The following PRR36 variants were observed in gnomAD, a reference collection of about 807,000 sequenced individuals.
The protein encoded by PRR36 is proline-rich protein 36.
Under a neutral mutation model 58.6 loss-of-function variants are expected in PRR36, and 30 were observed. The observed-to-expected ratio is 0.51, with a 90% CI of 0.38 to 0.69. PRR36 has a LOEUF of 0.69. PRR36 is among the 30% of genes least tolerant of loss of function. PRR36 has a pLI of 0.00. For missense variants in PRR36, 1,692 were observed against 1,805.6 expected (o/e 0.94, Z 1.14); for synonymous variants, 771 against 829.3 (o/e 0.93, Z 1.21).
chr19:7,871,213 T>A lies in PRR36; in HGVS notation c.2031A>T (p.Ser677=). ...GTATGGTCAGGGGTGAGCTTAGGGG[T>A]GAGACAGCAGGAGAGAGAGAAGTCT... is the stretch of plus-strand genomic sequence containing the variant. ...PLQTSLSPAV[S]PLSSPLTIHP... The change falls in exon 5 of 6, where the codon TCA becomes TCT. Residue 677 remains serine (S), a synonymous_variant. Coordinates refer to ENST00000618550, the MANE Select transcript of PRR36 (RefSeq NM_001190467.2). 1 of 1,504,244 alleles carries A rather than the reference T, an allele frequency of 6.6e-7. No homozygotes were observed. The highest frequency in any genetic ancestry group is 1.2e-5 in the South Asian group (1 of 83,076). 93.2% of individuals were successfully genotyped at this position (1,504,244 alleles called of 1,614,324 possible).
Position 7,871,078 on chromosome 19 carries a change from C to G in PRR36, c.2166G>C (p.Leu722=), listed in dbSNP as rs1446219845. The G allele has an allele frequency of 3.9e-6, 6 of 1,523,390 alleles. No homozygotes were observed. In the Admixed American group the frequency reaches 1.0e-4, roughly 26 times the overall value. 94.4% of individuals were successfully genotyped at this position (1,523,390 alleles called of 1,614,324 possible). Residue 722 remains leucine, a synonymous_variant, in exon 5 of 6, where the codon CTG becomes CTC. Coordinates refer to ENST00000618550, the MANE Select transcript of PRR36 (RefSeq NM_001190467.2). ...TGGTCAGGGAAGCAGGAGGTGTCTG[C>G]AGAGAGGGTGGGGCTAGGGAAGATT... ...ETQSSLAPPS[L]QTPPASLTTP... is the part of the protein sequence containing the mutation.
Position 7,869,164 on chromosome 19 carries a change from G to A in PRR36, c.3910C>T (p.Arg1304Cys), listed in dbSNP as rs1307958791. Reference protein sequence around the residue: ...RAALSDAELGRWAELLSPLDE... With the variant: ...RAALSDAELGCWAELLSPLDE... ...AGGGGAGACAGTAGTTCGGCCCAGC[G>A]GCCGAGTTCGGCGTCGCTGAGTGCA... The change falls in exon 6 of 6, where the codon CGC (arginine) becomes TGC (cysteine). Residue 1304 changes from arginine (R) to cysteine (C), a missense_variant. Arg to Cys is a radical substitution (Grantham distance 180). Around this residue, in one of 5 missense-constraint regions of PRR36, gnomAD observed 485 missense variants for 549.2 expected, o/e 0.88. Transcript: ENST00000618550. 5 of 1,535,362 alleles carry A rather than the reference G, an allele frequency of 3.3e-6. No homozygotes were observed. The highest frequency in any genetic ancestry group is 2.4e-5 in the East Asian group (1 of 40,868).
In PRR36 at chr19:7,871,307, G is replaced by C; in HGVS notation, c.1937C>G (p.Pro646Arg). ...GGGTGAATCAGGGGGAGTAGAGGCC[G>C]GCCGAGAAGGTGAGATCAAAGAAGC... The part of the protein sequence containing the change: ...TQASLISPSR[P>R]ASTPPDSPPL... The change falls in exon 5 of 6, where the codon CCG becomes CGG. Residue 646 changes from proline (P) to arginine (R), a missense_variant. Coordinates refer to ENST00000618550, the MANE Select transcript of PRR36 (RefSeq NM_001190467.2). 1.3e-6 allele frequency: 2 copies of C among 1,528,424 alleles called. No individual in the cohort carries two copies. The highest frequency in any genetic ancestry group is 1.8e-6 in the Non-Finnish European group (2 of 1,142,442). The allele number at this position is 1,528,424 out of a possible 1,614,324, so 94.7% of individuals were successfully genotyped here. A position where few individuals can be genotyped will look rare whatever the true frequency, so the allele number is the denominator to read the frequency against.
At position 7,870,830 on chromosome 19, in the gene PRR36, G is replaced by T; in HGVS notation, c.2414C>A (p.Thr805Lys). 6.9e-7 allele frequency: 1 copy of T among 1,445,726 alleles called. No homozygotes were observed. Among genetic ancestry groups the T allele is most frequent in the East Asian group, 2.5e-5 (1 of 39,934 alleles). The allele number at this position is 1,445,726 out of a possible 1,614,324, so 89.6% of individuals were successfully genotyped here. ...PSPLTTPPPE[T>K]PSSIATPPPQ... is the part of the protein sequence containing the mutation. ...AGGAGGCGTGGCTATGGAAGAGGGC[G>T]TCTCCGGAGGGGGCGTGGTCAATGG... The change falls in exon 5 of 6, where the codon ACG (threonine) becomes AAG (lysine). Residue 805 changes from threonine (T) to lysine (K), a missense_variant. Around this residue, in one of 5 missense-constraint regions of PRR36, gnomAD observed 171 missense variants for 146.2 expected, o/e 1.17. Coordinates refer to ENST00000618550, the MANE Select transcript of PRR36 (RefSeq NM_001190467.2).
chr19:7,871,532 A>G lies in PRR36; in HGVS notation c.1712T>C (p.Met571Thr). The part of the protein sequence containing the change: ...APPHPQAPPS[M>T]TTPPMQAPPS... The stretch of plus-strand genomic sequence containing the variant: ...CGGGGCCTGCATAGGGGGCGTAGTC[A>G]TAGAAGGTGGGGCCTGTGGGTGGGG... The change falls in exon 5 of 6, where the codon ATG (methionine) becomes ACG (threonine). Residue 571 changes from methionine (M) to threonine (T), a missense_variant. This residue lies in a region of PRR36 where 975 missense variants were observed against 955.2 expected (regional missense o/e 1.02). Transcript: ENST00000618550. The G allele has an allele frequency of 6.5e-7, 1 of 1,534,458 alleles. No individual in the cohort carries two copies. Among genetic ancestry groups the G allele is most frequent in the Non-Finnish European group, 8.7e-7 (1 of 1,146,398 alleles).
At position 7,873,608 on chromosome 19, in the gene PRR36, T is replaced by TG; in HGVS notation, c.81dup (p.Arg28GlnfsTer89). On this transcript the variant is annotated frameshift_variant, in exon 2 of 6. Coordinates refer to ENST00000618550, the MANE Select transcript of PRR36 (RefSeq NM_001190467.2). LOFTEE classifies it high-confidence loss of function. This position sits in a 1 kb window ranked among gnomAD's most constrained non-coding sequence, Gnocchi z 5.0. ...GGGGGTCGAGGAGAGCCTGGGGGCCTGGGGGTCAGAAGTCCAGGAGCGCGA... is the reference window on the plus strand; with the variant it reads ...GGGGGTCGAGGAGAGCCTGGGGGCCTGGGGGGTCAGAAGTCCAGGAGCGCGA... The TG allele has an allele frequency of 6.5e-7, 1 of 1,534,890 alleles. No homozygotes were observed. Among genetic ancestry groups the TG allele is most frequent in the Non-Finnish European group, 8.7e-7 (1 of 1,146,610 alleles).
In PRR36 at chr19:7,870,674, G is replaced by GT; in HGVS notation, c.2569_2570insA (p.Ser857TyrfsTer149). ...AGACAGAGGGGGTGAGGCAGGGGGA[G>GT]AGGGAGGGGCCTGCAGAGGAGGCAA... On this transcript the variant is annotated frameshift_variant, in exon 5 of 6. Transcript: ENST00000618550. LOFTEE classifies it high-confidence loss of function. 1 of 1,361,162 alleles carries GT rather than the reference G, an allele frequency of 7.3e-7. No individual in the cohort carries two copies. The highest frequency in any genetic ancestry group is 9.5e-7 in the Non-Finnish European group (1 of 1,056,224). 84.3% of individuals were successfully genotyped at this position (1,361,162 alleles called of 1,614,324 possible).
In PRR36 at chr19:7,871,811, G is replaced by A. The variant is rs1417634620; in HGVS notation, c.1433C>T (p.Ala478Val). Residue 478 changes from alanine (A) to valine (V), a missense_variant, in exon 5 of 6, where the codon GCT becomes GTT. Ala to Val is a moderately conservative substitution (Grantham distance 64). Around this residue, in one of 5 missense-constraint regions of PRR36, gnomAD observed 975 missense variants for 955.2 expected, o/e 1.02. Transcript: ENST00000618550. Reference sequence around the variant, plus strand: ...CTGAGGGAGTGCGGCCAGGGGAAAAGCCGAATTCCCCAGAGATGTTGCCGG... The same window carrying A: ...CTGAGGGAGTGCGGCCAGGGGAAAAACCGAATTCCCCAGAGATGTTGCCGG... ...VSPATSLGNS[A>V]FPLAALPQPG... is the part of the protein sequence containing the mutation. 3 of 1,535,822 alleles carry A rather than the reference G, an allele frequency of 2.0e-6. No homozygotes were observed. The highest frequency in any genetic ancestry group is 2.6e-6 in the Non-Finnish European group (3 of 1,146,852).
rs918202621 is a variant in PRR36 at position 7,871,349 on chromosome 19, G to A, written c.1895C>T (p.Ser632Phe). The change falls in exon 5 of 6, where the codon TCC becomes TTC. Residue 632 changes from serine (S) to phenylalanine (F), a missense_variant. Around this residue, in one of 5 missense-constraint regions of PRR36, gnomAD observed 975 missense variants for 955.2 expected, o/e 1.02. Coordinates refer to ENST00000618550, the MANE Select transcript of PRR36 (RefSeq NM_001190467.2). ...CAAAGAAGCTTGGGTTTGCCTAGGG[G>A]ACATTGTCAGGAAAGAATGTGTGGC... ...LQATHSFLTM[S>F]PRQTQASLIS... The A allele has an allele frequency of 4.6e-6, 7 of 1,531,300 alleles. No individual in the cohort carries two copies. Among genetic ancestry groups the A allele is most frequent in the South Asian group, 1.2e-5 (1 of 83,756 alleles). The allele number at this position is 1,531,300 out of a possible 1,614,324, so 94.9% of individuals were successfully genotyped here.
rs1227934196 is a variant in PRR36 at position 7,869,477 on chromosome 19, C to G, written c.3597G>C (p.Glu1199Asp). ...GGGTCGCCGACTCGGGCCCTTCAGT[C>G]TCGTAGATGGTGCACAGACCGTCAG... Reference protein sequence around the residue: ...GSADGLCTIYETEGPESATPA... With the variant: ...GSADGLCTIYDTEGPESATPA... Residue 1199 changes from glutamate (E) to aspartate (D), a missense_variant, in exon 6 of 6, where the codon GAG becomes GAC. Physicochemically the swap from Glu to Asp is conservative, Grantham distance 45. Around this residue, in one of 5 missense-constraint regions of PRR36, gnomAD observed 485 missense variants for 549.2 expected, o/e 0.88. Coordinates refer to ENST00000618550, the MANE Select transcript of PRR36 (RefSeq NM_001190467.2). 1.3e-6 allele frequency: 2 copies of G among 1,513,544 alleles called. No individual in the cohort carries two copies. The highest frequency in any genetic ancestry group is 2.0e-5 in the Admixed American group (1 of 49,744). 93.8% of individuals were successfully genotyped at this position (1,513,544 alleles called of 1,614,324 possible).
Position 7,870,961 on chromosome 19 carries a change from A to T in PRR36, c.2283T>A (p.Pro761=). The change falls in exon 5 of 6, where the codon CCT becomes CCA. Residue 761 remains proline (P), a synonymous_variant. Transcript: ENST00000618550. ...PLTTPPLENL[P]SLAPPPLQTA... ...TCTGCAGAGGAGGCGGGGCTAGAGAAGGTAGGTTCTCCAGAGGGGGTGTGG... is the reference window on the plus strand; with the variant it reads ...TCTGCAGAGGAGGCGGGGCTAGAGATGGTAGGTTCTCCAGAGGGGGTGTGG... 2 of 1,338,090 alleles carry T rather than the reference A, an allele frequency of 1.5e-6. No homozygotes were observed. Among genetic ancestry groups the T allele is most frequent in the Admixed American group, 3.3e-5 (1 of 30,602 alleles). 82.9% of individuals were successfully genotyped at this position (1,338,090 alleles called of 1,614,324 possible).
chr19:7,869,261 C>A lies in PRR36; in HGVS notation c.3813G>T (p.Glu1271Asp), dbSNP rs780927637. Residue 1271 changes from glutamate to aspartate, a missense_variant, in exon 6 of 6, where the codon GAG becomes GAT. Glu to Asp is a conservative substitution (Grantham distance 45). This residue lies in a region of PRR36 where 485 missense variants were observed against 549.2 expected (regional missense o/e 0.88). Transcript: ENST00000618550. ...LSRTLLLAAAEGAAGGSGGGP... is the reference protein window; with the variant it reads ...LSRTLLLAAADGAAGGSGGGP... ...CCCCGCCGCTGCCGCCCGCGGCACC[C>A]TCGGCAGCCGCCAGCAGCAGCGTCC... The A allele has an allele frequency of 6.8e-7, 1 of 1,470,136 alleles. No individual in the cohort carries two copies. Among genetic ancestry groups the A allele is most frequent in the South Asian group, 1.4e-5 (1 of 73,622 alleles). The allele number at this position is 1,470,136 out of a possible 1,614,324, so 91.1% of individuals were successfully genotyped here.
chr19:7,872,467 G>A lies in PRR36; in HGVS notation c.777C>T (p.Ala259=). The A allele has an allele frequency of 6.8e-7, 1 of 1,465,494 alleles. No individual in the cohort carries two copies. The highest frequency in any genetic ancestry group is 1.4e-5 in the South Asian group (1 of 72,044). The allele number at this position is 1,465,494 out of a possible 1,614,324, so 90.8% of individuals were successfully genotyped here. The change falls in exon 5 of 6, where the codon GCC becomes GCT. Residue 259 remains alanine (A), a synonymous_variant. Transcript: ENST00000618550. The surrounding 1 kb of genome is among the most constrained non-coding windows in gnomAD (Gnocchi z 6.1). The stretch of plus-strand genomic sequence containing the variant: ...GCGCAGGAGCCCTGGGTGTTCCGCG[G>A]GCTGAGGGCCCAGAACGGGCTGGGG... The part of the protein sequence containing the change: ...LSSPARSGPS[A]RGTPRAPAHP...
chr19:7,871,676 G>A lies in PRR36; in HGVS notation c.1568C>T (p.Ser523Phe). The A allele has an allele frequency of 6.5e-7, 1 of 1,536,064 alleles. No homozygotes were observed. Among genetic ancestry groups the A allele is most frequent in the Non-Finnish European group, 8.7e-7 (1 of 1,146,880 alleles). Residue 523 changes from serine to phenylalanine, a missense_variant, in exon 5 of 6, where the codon TCT becomes TTT. Coordinates refer to ENST00000618550, the MANE Select transcript of PRR36 (RefSeq NM_001190467.2). ...HTLATLPLQD[S>F]PLLATLPLQA... ...CAGAGGCAATGTGGCCAGAAGAGGA[G>A]AGTCCTGCAGAGGAAGAGTGGCCAG...
Position 7,871,614 on chromosome 19 carries a change from G to A in PRR36, c.1630C>T (p.Gln544Ter). The change falls in exon 5 of 6, where the codon CAG becomes TAG. Residue 544 changes from glutamine (Q) to a stop codon, truncating the protein, a stop_gained. Transcript: ENST00000618550. LOFTEE classifies it high-confidence loss of function. Reference sequence around the variant, plus strand: ...GAGGGAGAAACTAGAGGAGGATCCTGCAGAGAGACTGTGGTCAAAGGAGAG... The same window carrying A: ...GAGGGAGAAACTAGAGGAGGATCCTACAGAGAGACTGTGGTCAAAGGAGAG... ...SPSPLTTVSL[Q>*]DPPLVSPSLL... The A allele has an allele frequency of 6.5e-7, 1 of 1,535,928 alleles. No individual in the cohort carries two copies. The highest frequency in any genetic ancestry group is 8.7e-7 in the Non-Finnish European group (1 of 1,146,864).
Position 7,872,625 on chromosome 19 carries a change from T to C in PRR36, c.619A>G (p.Lys207Glu). 6.7e-7 allele frequency: 1 copy of C among 1,493,192 alleles called. No homozygotes were observed. Among genetic ancestry groups the C allele is most frequent in the Non-Finnish European group, 8.9e-7 (1 of 1,127,448 alleles). 92.5% of individuals were successfully genotyped at this position (1,493,192 alleles called of 1,614,324 possible). A position where few individuals can be genotyped will look rare whatever the true frequency, so the allele number is the denominator to read the frequency against. The change falls in exon 5 of 6, where the codon AAA becomes GAA. Residue 207 changes from lysine (K) to glutamate (E), a missense_variant. This residue lies in a region of PRR36 where 975 missense variants were observed against 955.2 expected (regional missense o/e 1.02). Transcript: ENST00000618550. This position sits in a 1 kb window ranked among gnomAD's most constrained non-coding sequence, Gnocchi z 6.1. Reference protein sequence around the residue: ...RPRPPTEGPRKSVSSASEHST... With the variant: ...RPRPPTEGPRESVSSASEHST... ...TGCTCCGAGGCGCTGCTCACTGATT[T>C]CCGGGGGCCCTCTGTCGGGGGCCGT...
rs987392857 is a variant in PRR36 at position 7,871,898 on chromosome 19, A to C, written c.1346T>G (p.Leu449Arg). ...AGGAGGTGTGGCCAAGGGAGAGAGG[A>C]GAGTCGGAAGAGAGGGCAACGCTGG... ...ANPALPSLPT[L>R]LSPLATPPLS... Residue 449 changes from leucine to arginine, a missense_variant, in exon 5 of 6, where the codon CTC (leucine) becomes CGC (arginine). Coordinates refer to ENST00000618550, the MANE Select transcript of PRR36 (RefSeq NM_001190467.2). The C allele has an allele frequency of 2.0e-6, 3 of 1,535,474 alleles. No individual in the cohort carries two copies. Among genetic ancestry groups the C allele is most frequent in the African/African-American group, 2.7e-5 (2 of 72,902 alleles).
In PRR36 at chr19:7,870,743, GAC is replaced by G; in HGVS notation, c.2499_2500del (p.Pro835PhefsTer170). 1 of 1,365,918 alleles carries G rather than the reference GAC, an allele frequency of 7.3e-7. No homozygotes were observed. The highest frequency in any genetic ancestry group is 9.4e-7 in the Non-Finnish European group (1 of 1,058,518). The allele number at this position is 1,365,918 out of a possible 1,614,324, so 84.6% of individuals were successfully genotyped here. ...CTGTGGAGGGGGCGTGGCCAAAGGA[GAC>G]AGAGGGGGAGAGGGCAGGCCCTGCA... On this transcript the variant is annotated frameshift_variant, in exon 5 of 6. Coordinates refer to ENST00000618550, the MANE Select transcript of PRR36 (RefSeq NM_001190467.2). LOFTEE classifies it high-confidence loss of function.
rs1208379587 is a variant in PRR36, at chr19:7,870,656, G to C, written c.2588C>G (p.Pro863Arg). The C allele has an allele frequency of 7.3e-7, 1 of 1,377,070 alleles. No homozygotes were observed. The highest frequency in any genetic ancestry group is 1.5e-5 in the African/African-American group (1 of 65,748). The allele number at this position is 1,377,070 out of a possible 1,614,324, so 85.3% of individuals were successfully genotyped here. A position where few individuals can be genotyped will look rare whatever the true frequency, so the allele number is the denominator to read the frequency against. The change falls in exon 5 of 6, where the codon CCT becomes CGT. Residue 863 changes from proline (P) to arginine (R), a missense_variant. Pro to Arg is a moderately radical substitution (Grantham distance 103). Around this residue, in one of 5 missense-constraint regions of PRR36, gnomAD observed 171 missense variants for 146.2 expected, o/e 1.17. Transcript: ENST00000618550. ...AGAGGGTGTGGCCAAAGGAGACAGAGGGGGTGAGGCAGGGGGAGAGGGAGG... is the reference window on the plus strand; with the variant it reads ...AGAGGGTGTGGCCAAAGGAGACAGACGGGGTGAGGCAGGGGGAGAGGGAGG... ...QAPPSPPASP[P>R]LSPLATPSPQ...
Sources: allele counts gnomAD v4.1 joint callset, GRCh38; gene constraint gnomAD v4.1.1; regional missense constraint gnomAD v4.1.1; non-coding constraint Gnocchi (gnomAD v3.1); transcripts MANE v1.5; gene names NCBI Gene and HGNC (gene_info 2026-07-23, HGNC 2026-07-21).